Variants in TENM2 observed in about 807,000 individuals in gnomAD.
The protein encoded by TENM2 is teneurin-2.
A neutral mutation model predicts 245.2 loss-of-function variants in TENM2; 52 were observed. The ratio of observed to expected loss-of-function variants is 0.21; its 90% confidence interval spans 0.17 to 0.27. The LOEUF is 0.27. Ranked by LOEUF, TENM2 falls within the 10% of genes least tolerant of loss-of-function variation. TENM2 has a pLI of 1.00. For synonymous variants in TENM2, 1,363 were observed against 1,438.9 expected (o/e 0.95, Z 1.19); for missense variants, 3,046 against 3,666.8 (o/e 0.83, Z 4.37).
At chr5:167,338,650 A>G (rs891381363) in intron 1 of TENM2, among the ~76,000 whole-genome samples, 2 of 152,206 alleles carry the variant, frequency 1.3e-5, no homozygotes, top group Admixed American at 6.5e-5. Context: ...GGTAACCCCA[A>G]TTATATGGGG....
chr5:166,979,527 A>T, the TENM2 span, among the ~76,000 whole-genome samples: 1 of 151,992 alleles, frequency 6.6e-6, no homozygotes, highest in Non-Finnish European at 1.5e-5. Flanking sequence ...GCTGCTGGTA[A>T]ATGTTTTTCA....
At chr5:167,797,422 G>A (rs1365640919) in intron 2 of TENM2, among the ~76,000 whole-genome samples, 1 of 152,112 alleles carries the variant, frequency 6.6e-6, no homozygotes, top group Non-Finnish European at 1.5e-5. Flanking sequence ...AGCATTTAGG[G>A]AACTTCTTGT....
chr5:167,429,243 T>C (rs1031818676), intron 2 of TENM2, among the ~76,000 whole-genome samples: 1 of 152,216 alleles, frequency 6.6e-6, no homozygotes, highest in Non-Finnish European at 1.5e-5. Flanking sequence ...ATTTTGCCTC[T>C]GGGTTTGTTT....
the TENM2 span, among the ~76,000 whole-genome samples, chr5:167,064,265 C>T: frequency 6.6e-6 from 1 of 152,152 alleles, no homozygotes; most frequent in Non-Finnish European, 1.5e-5. Context: ...CAGGCATTTC[C>T]CTTGTCCCGT....
intron 4 of TENM2, among the ~76,000 whole-genome samples, chr5:167,970,121 A>G (rs2151918078): frequency 6.6e-6 from 1 of 152,362 alleles, no homozygotes; most frequent in South Asian, 2.1e-4. Flanking sequence ...GGGAAATTGC[A>G]GGACATTGAG....
intron 2 of TENM2, among the ~76,000 whole-genome samples, chr5:167,498,736 G>C (rs1397952208): frequency 6.7e-6 from 1 of 150,040 alleles, no homozygotes; most frequent in Admixed American, 6.6e-5. Context: ...CATGAATTAA[G>C]AAAAAAAAAT....
At chr5:168,092,007 T>C (rs920377686) in intron 8 of TENM2, among the ~76,000 whole-genome samples, 1 of 152,236 alleles carries the variant, frequency 6.6e-6, no homozygotes, top group Non-Finnish European at 1.5e-5. Context: ...GGTCACTAAG[T>C]GACATCCGAT....
intron 2 of TENM2, among the ~76,000 whole-genome samples, chr5:167,555,746 C>T (rs1387033243): frequency 6.6e-6 from 1 of 152,124 alleles, no homozygotes; most frequent in African/African-American, 2.4e-5. Context: ...CTCTCGGAAT[C>T]AGTAAACACA....
At chr5:168,238,273 A>AGAAAGGAAAG (rs1562321300) in intron 25 of TENM2, among the ~76,000 whole-genome samples, 1 of 150,066 alleles carries the variant, frequency 6.7e-6, no homozygotes, top group African/African-American at 2.5e-5. Context: ...AGAAAAGAAA[A>AGAAAGGAAAG]GAAAAGAAAA....
chr5:167,132,865 C>T, the TENM2 span, among the ~76,000 whole-genome samples: 1 of 152,152 alleles, frequency 6.6e-6, no homozygotes, highest in Non-Finnish European at 1.5e-5. Flanking sequence ...GGGCTAAGCC[C>T]CCAGGTCCCT....
rs183371365 is a variant in TENM2 at position 167,351,161 on chromosome 5, A to T, written c.227-24037A>T. On this transcript the variant is annotated intron_variant, in intron 1 of 28. Coordinates refer to ENST00000518659, the Ensembl canonical transcript of TENM2. Reference sequence around the variant, plus strand: ...GGATATATACATATGGATTATATATATATGGGATATATACATATGGGATAT... The same window carrying T: ...GGATATATACATATGGATTATATATTTATGGGATATATACATATGGGATAT... Among the ~76,000 whole-genome samples, 20 of 147,268 alleles carry T rather than the reference A, an allele frequency of 1.4e-4. No homozygotes were observed. In the Middle Eastern group the frequency reaches 0.011, roughly 82 times the overall value.
At chr5:167,718,750 T>C (rs1759429972) in intron 2 of TENM2, among the ~76,000 whole-genome samples, 1 of 152,128 alleles carries the variant, frequency 6.6e-6, no homozygotes, top group Non-Finnish European at 1.5e-5. Context: ...GAAAGTCCAG[T>C]TTGAGTCAAT....
At chr5:167,864,292 A>G (rs1369467600) in intron 2 of TENM2, among the ~76,000 whole-genome samples, 2 of 152,258 alleles carry the variant, frequency 1.3e-5, no homozygotes, top group South Asian at 4.2e-4. Flanking sequence ...AACAATTACC[A>G]TTTGCAGAGT....
chr5:167,622,152 T>C (rs1778214515), intron 2 of TENM2, among the ~76,000 whole-genome samples: 1 of 152,164 alleles, frequency 6.6e-6, no homozygotes, highest in South Asian at 2.1e-4. Context: ...AATTAGGAAA[T>C]TAATTATATT....
At chr5:168,242,815 T>TG (rs1205900980) in intron 25 of TENM2, among the ~76,000 whole-genome samples, 3 of 152,064 alleles carry the variant, frequency 2.0e-5, no homozygotes, top group Admixed American at 6.6e-5. Context: ...TAGCCCAGTA[T>TG]GATGGCACAT....
rs1054276792 is a variant in TENM2, at chr5:168,158,553, G to A, written c.2423-4058G>A. Among the ~76,000 whole-genome samples, 231 of 151,764 alleles carry A rather than the reference G, an allele frequency of 1.5e-3. 2 individuals carry two copies. Among genetic ancestry groups the A allele is most frequent in the Non-Finnish European group, 1.6e-4 (11 of 67,942 alleles). ...CACAGTTAACATTTTGGGCTGTATCGTTCTTCATTGTGGGGCCTGTCCTGT... is the reference window on the plus strand; with the variant it reads ...CACAGTTAACATTTTGGGCTGTATCATTCTTCATTGTGGGGCCTGTCCTGT... On this transcript the variant is annotated intron_variant, in intron 12 of 28. Transcript: ENST00000518659.
chr5:167,601,261 A>G (rs973526263), intron 2 of TENM2, among the ~76,000 whole-genome samples: 3 of 152,248 alleles, frequency 2.0e-5, no homozygotes, highest in Non-Finnish European at 2.9e-5. Flanking sequence ...AAAACATTCT[A>G]AACTCACATT....
In TENM2 at chr5:167,813,799, T is replaced by C. The variant is rs535396918; in HGVS notation, c.503-62187T>C. Among the ~76,000 whole-genome samples the C allele has an allele frequency of 3.9e-5, 6 of 152,212 alleles. No individual in the cohort carries two copies. In the East Asian group the frequency reaches 7.7e-4, roughly 20 times the overall value. On this transcript the variant is annotated intron_variant, in intron 2 of 28. Coordinates refer to ENST00000518659, the Ensembl canonical transcript of TENM2. The stretch of plus-strand genomic sequence containing the variant: ...CCTAACCACAAATCAGCTTTCTAAA[T>C]TGAGAAGGTGATGAATTTTTAAATC...
intron 2 of TENM2, among the ~76,000 whole-genome samples, chr5:167,781,147 C>T (rs923621433): frequency 3.9e-5 from 6 of 152,026 alleles, no homozygotes; most frequent in African/African-American, 1.4e-4. Context: ...ACCATCTTTA[C>T]AAAAAATGCA....
Sources: allele counts gnomAD v4.1 joint callset (sites outside exome capture counted in the v4.1 genomes callset), GRCh38; gene constraint gnomAD v4.1.1; transcripts MANE v1.5; gene names NCBI Gene and HGNC (gene_info 2026-07-23, HGNC 2026-07-21).